The following RBM47 variants were observed in gnomAD, a reference collection of about 807,000 sequenced individuals.
The protein encoded by RBM47 is RNA-binding protein 47.
RBM47 carries 21 observed loss-of-function variants against 47.1 expected under a neutral mutation model. The ratio of observed to expected loss-of-function variants is 0.45; its 90% CI spans 0.32 to 0.64. The LOEUF (loss-of-function observed/expected upper bound fraction) is 0.64. RBM47 is among the 30% of genes least tolerant of loss of function. The pLI is 0.05. For missense variants in RBM47, 708 were observed against 870.9 expected, an observed-to-expected ratio of 0.81 and a Z score of 2.35; for synonymous variants, 375 against 361.7, an observed-to-expected ratio of 1.04 and a Z score of -0.42.
chr4:40,520,865 G>A (rs1401144134), intron 2 of RBM47, among the ~76,000 whole-genome samples: 6 of 152,162 alleles, frequency 3.9e-5, no homozygotes, highest in African/African-American at 1.4e-4. Flanking sequence ...TGCCTATCAT[G>A]GGGACATCAA....
At chr4:40,527,436 ATTTTTTTTTTTT>A (rs60524903) in intron 2 of RBM47, among the ~76,000 whole-genome samples, 1,328 of 104,786 alleles carry the variant, frequency 0.013, 25 homozygotes, top group African/African-American at 0.048. Context: ...ACACCTGGCA[ATTTTTTTTTTTT>A]TTTTTTTTTT....
At chr4:40,460,155 C>A (rs1436164476) in intron 3 of RBM47, among the ~76,000 whole-genome samples, 4 of 152,098 alleles carry the variant, frequency 2.6e-5, no homozygotes. Context: ...ATGTTAATAT[C>A]CCTTGAGCCG....
chr4:40,591,771 T>C lies in RBM47; in HGVS notation c.-240+37625A>G, dbSNP rs570820674. On this transcript the variant is annotated intron_variant, in intron 1 of 6. Transcript: ENST00000295971. The stretch of plus-strand genomic sequence containing the variant: ...ACCCTAATGAGTAATAGGTTCTACC[T>C]GAGACAAGGGCTCTCCAGAGCGTCA... Among the ~76,000 whole-genome samples the C allele has an allele frequency of 7.2e-5, 11 of 152,286 alleles. No homozygotes were observed. The South Asian group carries it at 2.1e-3, about 29-fold the overall frequency.
intron 2 of RBM47, among the ~76,000 whole-genome samples, chr4:40,466,991 G>A (rs969550081): frequency 3.9e-5 from 6 of 152,168 alleles, no homozygotes; most frequent in Admixed American, 1.3e-4. Flanking sequence ...CTTCTTCAGA[G>A]TGTGCATGAC....
intron 1 of RBM47, among the ~76,000 whole-genome samples, chr4:40,589,619 A>T (rs1402391997): frequency 6.6e-6 from 1 of 151,888 alleles, no homozygotes; most frequent in Non-Finnish European, 1.5e-5. Context: ...TTGTATTTTT[A>T]GTAGAGACGG....
At chr4:40,610,015 C>T (rs769450549) in intron 1 of RBM47, among the ~76,000 whole-genome samples, 34 of 151,764 alleles carry the variant, frequency 2.2e-4, no homozygotes, top group Non-Finnish European at 3.4e-4. Context: ...TTGCTTGAAC[C>T]GGGAGGCGGA....
At chr4:40,588,972 GAAT>G (rs1441081521) in intron 1 of RBM47, among the ~76,000 whole-genome samples, 1 of 149,724 alleles carries the variant, frequency 6.7e-6, no homozygotes, top group Non-Finnish European at 1.5e-5. Flanking sequence ...GAGGTTAGAG[GAAT>G]AATAGCTAAA....
chr4:40,512,429 A>G (rs1398044363), intron 2 of RBM47, among the ~76,000 whole-genome samples: 1 of 144,462 alleles, frequency 6.9e-6, no homozygotes, highest in African/African-American at 2.6e-5. Flanking sequence ...AAAAAAAAAA[A>G]AAAAGGCCGG....
chr4:40,441,209 A>T (rs1713574795), intron 3 of RBM47, among the ~76,000 whole-genome samples: 1 of 149,994 alleles, frequency 6.7e-6, no homozygotes, highest in Non-Finnish European at 1.5e-5. Context: ...GGATTACTTG[A>T]GCCCAGGAGT....
intron 2 of RBM47, among the ~76,000 whole-genome samples, chr4:40,498,266 G>A (rs1232030436): frequency 1.3e-5 from 2 of 151,680 alleles, no homozygotes; most frequent in African/African-American, 4.8e-5. Context: ...GCACACCCCA[G>A]AATACTGGTT....
chr4:40,526,066 C>T (rs114165039), intron 2 of RBM47, among the ~76,000 whole-genome samples: 1,971 of 152,256 alleles, frequency 0.013, 11 homozygotes, highest in Non-Finnish European at 0.022. Flanking sequence ...CCTTAGATGA[C>T]GATTCTCACA....
intron 2 of RBM47, among the ~76,000 whole-genome samples, chr4:40,538,429 C>T (rs1274112071): frequency 2.0e-5 from 3 of 148,044 alleles, no homozygotes; most frequent in African/African-American, 7.6e-5. Context: ...CGGGTTCAAG[C>T]GATTCTCCTG....
At chr4:40,538,100 T>C (rs1273613135) in intron 2 of RBM47, among the ~76,000 whole-genome samples, 1 of 152,114 alleles carries the variant, frequency 6.6e-6, no homozygotes, top group South Asian at 2.1e-4. Flanking sequence ...AGGGTTACTT[T>C]TGCATAAGTT....
chr4:40,557,816 C>T (rs1730246921), intron 1 of RBM47, among the ~76,000 whole-genome samples: 1 of 152,192 alleles, frequency 6.6e-6, no homozygotes, highest in South Asian at 2.1e-4. Context: ...ATCAGAGGTT[C>T]CTCAGCAGAC....
rs1205981888 is a variant in RBM47 at position 40,438,573 on chromosome 4, G to C, written c.321C>G (p.Asp107Glu). ...IYELRLMMDF[D>E]GKNRGYAFVM... ...CGAAGGCGTAGCCGCGGTTCTTGCC[G>C]TCAAAGTCCATCATGAGGCGCAGCT... Residue 107 changes from aspartate to glutamate, a missense_variant, in exon 4 of 7, where the codon GAC (aspartate) becomes GAG (glutamate). Asp to Glu is a conservative substitution (Grantham distance 45). Transcript: ENST00000295971. 6.2e-7 allele frequency: 1 copy of C among 1,613,824 alleles called. No individual in the cohort carries two copies. The highest frequency in any genetic ancestry group is 1.3e-5 in the African/African-American group (1 of 74,946).
chr4:40,527,964 A>T (rs1373284565), intron 2 of RBM47, among the ~76,000 whole-genome samples: 1 of 152,190 alleles, frequency 6.6e-6, no homozygotes, highest in Admixed American at 6.5e-5. Flanking sequence ...TTGTTTTCGT[A>T]TTTCAAAATT....
intron 1 of RBM47, among the ~76,000 whole-genome samples, chr4:40,622,855 C>A (rs1737389650): frequency 6.6e-6 from 1 of 152,188 alleles, no homozygotes; most frequent in Non-Finnish European, 1.5e-5. Context: ...GCACTCCAGC[C>A]TGGGTGACAG....
intron 2 of RBM47, among the ~76,000 whole-genome samples, chr4:40,497,764 AG>A (rs35545810): frequency 1.3e-5 from 2 of 151,032 alleles, no homozygotes; most frequent in Non-Finnish European, 3.0e-5. Flanking sequence ...GCTTGAACCC[AG>A]GAGTTCAAAA....
upstream of RBM47, chr4:40,630,160 T>A (rs1456702402): frequency 6.6e-6 from 1 of 152,290 alleles, no homozygotes; most frequent in Non-Finnish European, 1.5e-5. Context: ...TTGGGGGACT[T>A]GACCAGACGG....
Sources: gnomAD v4.1 joint callset for allele counts (sites outside exome capture counted in the v4.1 genomes callset) on GRCh38, gnomAD v4.1.1 for gene constraint, MANE v1.5 for transcripts, NCBI Gene and HGNC (gene_info 2026-07-23, HGNC 2026-07-21) for gene names.